GRB10: variants seen among roughly 807,000 people sequenced by gnomAD.
GRB10 encodes the protein growth factor receptor bound protein 10, also known as growth factor receptor-bound protein 10.
Under a neutral mutation model 80.9 loss-of-function variants are expected in GRB10, and 20 were observed. That is an observed-to-expected ratio of 0.25 (90% confidence interval 0.17 to 0.36). The LOEUF is 0.36. Among genes scored for constraint, GRB10 ranks in the 10% least tolerant of loss-of-function variants. The pLI is 1.00. For synonymous variants in GRB10, 291 were observed against 291.5 expected (o/e 1.00, Z 0.02); for missense variants, 548 against 747.7 (o/e 0.73, Z 3.12).
intron 7 of GRB10, among the ~76,000 whole-genome samples, chr7:50,633,591 A>G (rs1274568575): frequency 6.6e-6 from 1 of 152,200 alleles, no homozygotes; most frequent in Non-Finnish European, 1.5e-5. Context: ...TAAAGAATTC[A>G]AGATATGAAG....
chr7:50,669,995 G>A (rs2060195441), intron 6 of GRB10, 132 bp from the exon 7 acceptor site: 2 of 1,159,258 alleles, frequency 1.7e-6, no homozygotes, highest in Non-Finnish European at 2.5e-6. Context: ...CGTTCACAGT[G>A]GCATCCTTCA....
In GRB10 at chr7:50,782,506, C is replaced by A. The variant is rs906945108; in HGVS notation, c.-409G>T. ...CGGGTAGGGCTTCGGGGCCCGGCCC[C>A]CGCAGTGCCCGGCGCGTGGACAGCG... On this transcript the variant is annotated 5_prime_UTR_variant, in exon 1 of 19. Transcript: ENST00000401949. This position sits in a 1 kb window ranked among gnomAD's most constrained non-coding sequence, Gnocchi z 6.6. The A allele has an allele frequency of 6.7e-6, 1 of 150,176 alleles. No homozygotes were observed. The highest frequency in any genetic ancestry group is 2.4e-5 in the African/African-American group (1 of 41,246). 9.3% of individuals were successfully genotyped at this position (150,176 alleles called of 1,614,324 possible). A position where few individuals can be genotyped will look rare whatever the true frequency, so the allele number is the denominator to read the frequency against.
intron 2 of GRB10, among the ~76,000 whole-genome samples, chr7:50,765,634 G>C (rs949148095): frequency 9.9e-5 from 15 of 152,176 alleles, no homozygotes; most frequent in African/African-American, 3.6e-4. Context: ...CAGAGACAGG[G>C]AAGAGTAGGG....
At chr7:50,747,842 G>A (rs1044783831) in intron 3 of GRB10, among the ~76,000 whole-genome samples, 89 of 151,964 alleles carry the variant, frequency 5.9e-4, no homozygotes, top group African/African-American at 2.1e-3. Flanking sequence ...GAAGGAGGGC[G>A]TCTCCAGACA....
intron 18 of GRB10, among the ~76,000 whole-genome samples, chr7:50,594,322 C>T (rs1461076276): frequency 6.6e-6 from 1 of 152,208 alleles, no homozygotes; most frequent in Non-Finnish European, 1.5e-5. Flanking sequence ...GTGCGTGGCA[C>T]ACTGCCTTCC....
chr7:50,760,045 C>G (rs1243709438), intron 2 of GRB10, among the ~76,000 whole-genome samples: 1 of 152,194 alleles, frequency 6.6e-6, no homozygotes, highest in Non-Finnish European at 1.5e-5. Context: ...CCTCCAGGAG[C>G]CACCAGCCGA....
At position 50,737,172 on chromosome 7, in the gene GRB10, T is replaced by C. The variant is rs1409047246; in HGVS notation, c.-46-4804A>G. On this transcript the variant is annotated intron_variant, in intron 3 of 18. Coordinates refer to ENST00000401949, the MANE Select transcript of GRB10 (RefSeq NM_001350814.2). ...TAAAACCCAGAATATATAAATGATA[T>C]GGTTTGGCTCTGTGTCCCCACCCAA... 3.9e-5 allele frequency among the ~76,000 whole-genome samples: 6 copies of C among 152,214 alleles called. No homozygotes were observed. The South Asian group carries it at 1.0e-3, about 26-fold the overall frequency.
intron 7 of GRB10, among the ~76,000 whole-genome samples, chr7:50,664,681 C>A (rs1198813826): frequency 1.3e-5 from 2 of 152,198 alleles, no homozygotes; most frequent in African/African-American, 4.8e-5. Context: ...TCTGCCAGGG[C>A]ACCAAGATCA....
At chr7:50,633,629 G>T (rs1465730177) in intron 7 of GRB10, among the ~76,000 whole-genome samples, 1 of 151,942 alleles carries the variant, frequency 6.6e-6, no homozygotes, top group East Asian at 1.9e-4. Flanking sequence ...AGAGCCAAGA[G>T]AAAGTTGAAA....
chr7:50,652,467 C>T lies in GRB10; in HGVS notation c.504+17255G>A, dbSNP rs143751724. Among the ~76,000 whole-genome samples the T allele has an allele frequency of 7.4e-3, 1,126 of 152,294 alleles. 19 individuals are homozygous for T. Among genetic ancestry groups the T allele is most frequent in the African/African-American group, 0.025 (1,022 of 41,570 alleles). ...CAAATTACACCAAAGAGGGTGGACA[C>T]AGAATAAGAGAAGAACGCCTTCCAG... On this transcript the variant is annotated intron_variant, in intron 7 of 18. Transcript: ENST00000401949.
intron 5 of GRB10, among the ~76,000 whole-genome samples, chr7:50,696,807 C>T (rs1335104700): frequency 6.6e-6 from 1 of 152,192 alleles, no homozygotes; most frequent in African/African-American, 2.4e-5. Context: ...AATTCCACTT[C>T]TAGATACATA....
Position 50,604,102 on chromosome 7 carries a change from G to C in GRB10, c.1457-17C>G. The C allele has an allele frequency of 1.2e-6, 2 of 1,603,696 alleles. No homozygotes were observed. Among genetic ancestry groups the C allele is most frequent in the Non-Finnish European group, 1.7e-6 (2 of 1,170,540 alleles). On this transcript the variant is annotated splice_polypyrimidine_tract_variant and intron_variant, in intron 16 of 18. Coordinates refer to ENST00000401949, the MANE Select transcript of GRB10 (RefSeq NM_001350814.2). ...TGTGAATCACTGTGGGGGGAAGACAGGAGGAGGGTAGGATGGTGGTGCCTC... is the reference window on the plus strand; with the variant it reads ...TGTGAATCACTGTGGGGGGAAGACACGAGGAGGGTAGGATGGTGGTGCCTC...
chr7:50,749,116 TG>T (rs2073618817), intron 3 of GRB10, among the ~76,000 whole-genome samples: 2 of 81,780 alleles, frequency 2.4e-5, no homozygotes, highest in African/African-American at 5.7e-5. Context: ...TTTTTTGTTT[TG>T]TTTTGTTTTT....
At chr7:50,595,383 G>T in intron 18 of GRB10, 54 bp downstream of exon 18, 1 of 967,414 alleles carries the variant, frequency 1.0e-6, no homozygotes, top group Non-Finnish European at 1.7e-6. Context: ...ATTGCATTAA[G>T]AATGAAACCA....
chr7:50,642,419 GCA>G (rs1377163460), intron 7 of GRB10, among the ~76,000 whole-genome samples: 1 of 151,832 alleles, frequency 6.6e-6, no homozygotes, highest in Non-Finnish European at 1.5e-5. Context: ...ATGCAAACAT[GCA>G]CAAACACATA....
Position 50,682,675 on chromosome 7 carries a change from T to A in GRB10, c.140-8017A>T, listed in dbSNP as rs189635017. On this transcript the variant is annotated intron_variant, in intron 5 of 18. Transcript: ENST00000401949. ...TAGCAGTGGTTTGAAAAGTTTTAAA[T>A]CAGAAATGAGTATTTACACTTTGGA... is the stretch of plus-strand genomic sequence containing the variant. 1.2e-4 allele frequency among the ~76,000 whole-genome samples: 18 copies of A among 152,334 alleles called. No individual in the cohort carries two copies. In the East Asian group the frequency reaches 3.3e-3, roughly 28 times the overall value.
chr7:50,774,702 A>G (rs2077391464), intron 2 of GRB10, among the ~76,000 whole-genome samples: 1 of 152,174 alleles, frequency 6.6e-6, no homozygotes, highest in African/African-American at 2.4e-5. Flanking sequence ...AGTCCCCCAA[A>G]TTTATGTCTT....
chr7:50,763,945 C>T (rs1587970238), intron 2 of GRB10, among the ~76,000 whole-genome samples: 3 of 152,200 alleles, frequency 2.0e-5, no homozygotes, highest in Admixed American at 6.5e-5. Flanking sequence ...AAATTCTCAG[C>T]GACAGCTGCC....
chr7:50,721,491 C>T (rs528127133), intron 4 of GRB10, among the ~76,000 whole-genome samples: 3 of 152,352 alleles, frequency 2.0e-5, no homozygotes, highest in Admixed American at 1.3e-4. Context: ...TGAAGAGGAA[C>T]AATGCTGGCC....
Sources: allele counts gnomAD v4.1 joint callset (sites outside exome capture counted in the v4.1 genomes callset), GRCh38; gene constraint gnomAD v4.1.1; non-coding constraint Gnocchi (gnomAD v3.1); transcripts MANE v1.5; gene names NCBI Gene and HGNC (gene_info 2026-07-23, HGNC 2026-07-21).